Variants in CADM2 observed in about 807,000 individuals in gnomAD.
The protein encoded by CADM2 is immunoglobulin superfamily member 4D.
CADM2 carries 12 observed loss-of-function variants against 49.8 expected under a neutral mutation model. That is an observed-to-expected ratio of 0.24 (90% CI 0.15 to 0.39). CADM2 has a LOEUF of 0.39. Among genes scored for constraint, CADM2 ranks in the 10% least tolerant of loss-of-function variants. The pLI is 1.00. For missense variants in CADM2, 378 were observed against 492.3 expected, an observed-to-expected ratio of 0.77 and a Z score of 2.20; for synonymous variants, 214 against 175.4, an observed-to-expected ratio of 1.22 and a Z score of -1.74.
chr3:85,435,594 T>G (rs1433339586), intron 1 of CADM2, among the ~76,000 whole-genome samples: 1 of 152,170 alleles, frequency 6.6e-6, no homozygotes, highest in Non-Finnish European at 1.5e-5. Context: ...ATCGCCACAC[T>G]GTCTTCCGCA....
chr3:85,854,082 A>C (rs1266167449), intron 3 of CADM2, among the ~76,000 whole-genome samples: 1 of 151,904 alleles, frequency 6.6e-6, no homozygotes, highest in Non-Finnish European at 1.5e-5. Context: ...GTAAGACATG[A>C]TGTTATTTTA....
At chr3:86,043,747 T>C (rs1171357373) in intron 8 of CADM2, among the ~76,000 whole-genome samples, 1 of 152,074 alleles carries the variant, frequency 6.6e-6, no homozygotes, top group African/African-American at 2.4e-5. Flanking sequence ...GAGACCACCT[T>C]GCCAAGTCAA....
At chr3:85,158,443 A>G (rs936612993) in intron 1 of CADM2, among the ~76,000 whole-genome samples, 14 of 152,194 alleles carry the variant, frequency 9.2e-5, no homozygotes, top group African/African-American at 3.1e-4. Flanking sequence ...AACCAACCCA[A>G]ATGTCCAACA....
intron 8 of CADM2, among the ~76,000 whole-genome samples, chr3:85,981,309 G>T: frequency 6.6e-6 from 1 of 151,296 alleles, no homozygotes; most frequent in East Asian, 1.9e-4. Context: ...CTTTTACATT[G>T]GTTCACATGA....
intron 1 of CADM2, among the ~76,000 whole-genome samples, chr3:85,311,767 C>G (rs973023222): frequency 1.3e-5 from 2 of 152,184 alleles, no homozygotes. Flanking sequence ...TGGATCCTCA[C>G]AAATCTCACA....
At position 85,743,972 on chromosome 3, in the gene CADM2, A is replaced by C. The variant is rs185131937; in HGVS notation, c.88+17424A>C. On this transcript the variant is annotated intron_variant, in intron 2 of 9. Coordinates refer to ENST00000383699, the MANE Select transcript of CADM2 (RefSeq NM_001167675.2). ...TAGGTACTTCTGTTCAATGGTGTAT[A>C]CAAATAACAAAAGAGACAAAATCCC... 2.1e-3 allele frequency among the ~76,000 whole-genome samples: 325 copies of C among 152,298 alleles called. 1 individual carries two copies. Among genetic ancestry groups the C allele is most frequent in the African/African-American group, 7.6e-3 (317 of 41,574 alleles).
chr3:84,967,221 T>C lies in CADM2; in HGVS notation c.61+7553T>C, dbSNP rs550397939. 2.0e-5 allele frequency among the ~76,000 whole-genome samples: 3 copies of C among 152,244 alleles called. No homozygotes were observed. The East Asian group carries it at 5.8e-4, about 29-fold the overall frequency. On this transcript the variant is annotated intron_variant, in intron 1 of 9. Coordinates refer to ENST00000383699, the MANE Select transcript of CADM2 (RefSeq NM_001167675.2). ...ATTAATTTATTATTGTAAGGAAATA[T>C]TTTTACCTTTAGGCTAAAATTGTTT... is the stretch of plus-strand genomic sequence containing the variant.
chr3:85,681,940 G>A (rs1457158590), intron 1 of CADM2, among the ~76,000 whole-genome samples: 1 of 152,022 alleles, frequency 6.6e-6, no homozygotes, highest in African/African-American at 2.4e-5. Context: ...TGTGCTAAAG[G>A]GCTCAGCATG....
chr3:85,453,204 T>C (rs2037831058), intron 1 of CADM2, among the ~76,000 whole-genome samples: 1 of 152,154 alleles, frequency 6.6e-6, no homozygotes, highest in Non-Finnish European at 1.5e-5. Context: ...TTTGTGTGTG[T>C]ATTTCATATA....
At chr3:85,916,098 T>C (rs1425830178) in intron 6 of CADM2, among the ~76,000 whole-genome samples, 7 of 152,184 alleles carry the variant, frequency 4.6e-5, no homozygotes, top group Non-Finnish European at 1.0e-4. Context: ...CTGTAAAATA[T>C]ATCAGAGCAA....
intron 1 of CADM2, among the ~76,000 whole-genome samples, chr3:85,537,649 A>G (rs1376416302): frequency 6.6e-6 from 1 of 151,544 alleles, no homozygotes; most frequent in Non-Finnish European, 1.5e-5. Context: ...CTATTTTAAC[A>G]TGTCATGTTA....
chr3:85,498,171 GT>G (rs61505551), intron 1 of CADM2, among the ~76,000 whole-genome samples: 67,390 of 134,464 alleles, frequency 0.5, 18,380 homozygotes, highest in East Asian at 0.83. Context: ...TTGTTGCCAA[GT>G]TTTTTTTTTT....
chr3:85,218,299 C>T lies in CADM2; in HGVS notation c.61+258631C>T, dbSNP rs190028095. Among the ~76,000 whole-genome samples, 272 of 152,032 alleles carry T rather than the reference C, an allele frequency of 1.8e-3. 1 individual carries two copies. The highest frequency in any genetic ancestry group is 6.3e-3 in the African/African-American group (261 of 41,442). On this transcript the variant is annotated intron_variant, in intron 1 of 9. Coordinates refer to ENST00000383699, the MANE Select transcript of CADM2 (RefSeq NM_001167675.2). ...TTTAGAAATAAAAAAATCCAAACTC[C>T]CCAATTGTTTAAGTTGTTATAAAAG...
At chr3:86,029,448 G>A (rs1326851976) in intron 8 of CADM2, among the ~76,000 whole-genome samples, 2 of 152,004 alleles carry the variant, frequency 1.3e-5, no homozygotes, top group Non-Finnish European at 2.9e-5. Context: ...ACAAAAAAAA[G>A]GAATGGTTTT....
intron 2 of CADM2, among the ~76,000 whole-genome samples, chr3:85,728,516 A>G (rs1287337972): frequency 1.3e-5 from 2 of 152,114 alleles, no homozygotes; most frequent in Non-Finnish European, 2.9e-5. Context: ...CAATTTCTAT[A>G]TGAAGGCAAA....
chr3:85,529,534 A>T (rs779091001), intron 1 of CADM2, among the ~76,000 whole-genome samples: 24 of 152,176 alleles, frequency 1.6e-4, no homozygotes, highest in Non-Finnish European at 2.6e-4. Flanking sequence ...TAGAATGATT[A>T]TACTTAAAAC....
intron 1 of CADM2, among the ~76,000 whole-genome samples, chr3:85,143,442 T>A (rs1379094433): frequency 1.3e-5 from 2 of 152,222 alleles, no homozygotes; most frequent in Admixed American, 1.3e-4. Flanking sequence ...ATTCTGTTAC[T>A]GCTCTCCAAC....
intron 6 of CADM2, among the ~76,000 whole-genome samples, chr3:85,927,844 T>G (rs1720076451): frequency 1.3e-5 from 2 of 152,080 alleles, no homozygotes; most frequent in Non-Finnish European, 2.9e-5. Flanking sequence ...TTTATTTTAT[T>G]TTTTTCCTGA....
chr3:85,677,220 A>T (rs1011133847), intron 1 of CADM2, among the ~76,000 whole-genome samples: 1 of 144,102 alleles, frequency 6.9e-6, no homozygotes, highest in Non-Finnish European at 1.5e-5. Flanking sequence ...AGATTTTAGG[A>T]TTAATTGTCA....
Sources: allele counts gnomAD v4.1 joint callset (sites outside exome capture counted in the v4.1 genomes callset), GRCh38; gene constraint gnomAD v4.1.1; transcripts MANE v1.5; gene names NCBI Gene and HGNC (gene_info 2026-07-23, HGNC 2026-07-21).